SLX4IP: variants seen among roughly 807,000 people sequenced by gnomAD.
The protein encoded by SLX4IP is protein SLX4IP.
SLX4IP carries 34 observed loss-of-function variants against 32.9 expected under a neutral mutation model. That is an observed-to-expected ratio of 1.03 (90% confidence interval 0.79 to 1.38). The LOEUF (loss-of-function observed/expected upper bound fraction) is 1.38, where lower values mean the gene tolerates loss of function less well. Among genes scored for constraint, SLX4IP ranks in the 40% most tolerant of loss-of-function variants. The pLI is 0.00. For synonymous variants in SLX4IP, 172 were observed against 171.7 expected (o/e 1.00, Z -0.01); for missense variants, 444 against 479.0 (o/e 0.93, Z 0.68).
chr20:10,575,298 G>A (rs1439516253), intron 4 of SLX4IP, among the ~76,000 whole-genome samples: 1 of 152,172 alleles, frequency 6.6e-6, no homozygotes, highest in Admixed American at 6.5e-5. Context: ...CTGACCCAGT[G>A]AAAGTCATTT....
At chr20:10,445,737 G>T (rs1243841698) in intron 1 of SLX4IP, among the ~76,000 whole-genome samples, 1 of 150,656 alleles carries the variant, frequency 6.6e-6, no homozygotes. Flanking sequence ...CGATTCTCCC[G>T]CCTCGGCCTC....
intron 2 of SLX4IP, among the ~76,000 whole-genome samples, chr20:10,538,975 C>T (rs1207628695): frequency 2.0e-5 from 3 of 152,134 alleles, no homozygotes; most frequent in African/African-American, 7.2e-5. Context: ...GGACTAATGC[C>T]CAAGGCAGAG....
intron 2 of SLX4IP, among the ~76,000 whole-genome samples, chr20:10,510,499 G>A (rs2065797197): frequency 6.6e-6 from 1 of 152,204 alleles, no homozygotes; most frequent in Non-Finnish European, 1.5e-5. Flanking sequence ...GGTGGAGCCT[G>A]TCCAGCTCTA....
At chr20:10,557,837 T>G (rs2066283839) in intron 3 of SLX4IP, among the ~76,000 whole-genome samples, 1 of 152,200 alleles carries the variant, frequency 6.6e-6, no homozygotes, top group Non-Finnish European at 1.5e-5. Flanking sequence ...GGTTTTTGTT[T>G]TTTTAGGAGC....
chr20:10,452,680 A>AAATATATAT (rs1326662021), intron 1 of SLX4IP, among the ~76,000 whole-genome samples: 3 of 109,504 alleles, frequency 2.7e-5, no homozygotes, highest in African/African-American at 1.1e-4. Flanking sequence ...AAAAAAAAAA[A>AAATATATAT]ATATATATAT....
At chr20:10,586,378 G>A (rs1270031490) in intron 4 of SLX4IP, among the ~76,000 whole-genome samples, 4 of 152,142 alleles carry the variant, frequency 2.6e-5, no homozygotes, top group Non-Finnish European at 5.9e-5. Context: ...TTATAGCTAG[G>A]CATTTGCCTT....
intron 6 of SLX4IP, among the ~76,000 whole-genome samples, chr20:10,612,551 A>G (rs1259910042): frequency 1.3e-5 from 2 of 152,082 alleles, no homozygotes; most frequent in African/African-American, 2.4e-5. Context: ...TTGGGTTACT[A>G]TTATTATTAT....
intron 1 of SLX4IP, among the ~76,000 whole-genome samples, chr20:10,445,087 A>G (rs188992235): frequency 3.3e-5 from 5 of 152,284 alleles, no homozygotes; most frequent in Admixed American, 3.3e-4. Context: ...TTGTAAAAGA[A>G]TAGTGAGGGA....
At chr20:10,573,509 A>T (rs988540062) in intron 4 of SLX4IP, among the ~76,000 whole-genome samples, 1 of 152,190 alleles carries the variant, frequency 6.6e-6, no homozygotes, top group Non-Finnish European at 1.5e-5. Context: ...CCTATTGTGC[A>T]CACCCATGCA....
chr20:10,460,136 T>C (rs1490073991), intron 2 of SLX4IP, among the ~76,000 whole-genome samples: 1 of 152,234 alleles, frequency 6.6e-6, no homozygotes, highest in African/African-American at 2.4e-5. Flanking sequence ...ACTATTTGTG[T>C]GTCTAAAAAT....
At chr20:10,609,423 C>G (rs1254492272) in intron 6 of SLX4IP, among the ~76,000 whole-genome samples, 1 of 152,194 alleles carries the variant, frequency 6.6e-6, no homozygotes, top group African/African-American at 2.4e-5. Context: ...AAAGAGGAGG[C>G]CTTAGTATCT....
At chr20:10,442,910 TG>T in intron 1 of SLX4IP, among the ~76,000 whole-genome samples, 1 of 152,350 alleles carries the variant, frequency 6.6e-6, no homozygotes, top group South Asian at 2.1e-4. Flanking sequence ...TCCATTTAAA[TG>T]AATGTTAAAA....
intron 6 of SLX4IP, chr20:10,613,424 A>T: frequency 6.3e-7 from 1 of 1,583,916 alleles, no homozygotes; most frequent in Admixed American, 1.7e-5. Context: ...ACCTTTGAAG[A>T]GAAAAATTCC....
chr20:10,512,778 CTATATATA>C (rs57942782), intron 2 of SLX4IP, among the ~76,000 whole-genome samples: 97 of 25,604 alleles, frequency 3.8e-3, no homozygotes, highest in Non-Finnish European at 4.7e-3. Flanking sequence ...CACACACACT[CTATATATA>C]TATATATATA....
intron 2 of SLX4IP, among the ~76,000 whole-genome samples, chr20:10,552,086 G>C (rs140854071): frequency 3.5e-4 from 54 of 152,332 alleles, no homozygotes; most frequent in African/African-American, 1.2e-3. Flanking sequence ...AGGAGTTGGG[G>C]GTGACACCCC....
chr20:10,458,622 C>T (rs2065308755), intron 2 of SLX4IP, among the ~76,000 whole-genome samples: 1 of 152,014 alleles, frequency 6.6e-6, no homozygotes, highest in Non-Finnish European at 1.5e-5. Flanking sequence ...ATTTGGTTTT[C>T]TGTTCTTGCA....
intron 2 of SLX4IP, among the ~76,000 whole-genome samples, chr20:10,532,764 A>G (rs957596948): frequency 2.8e-4 from 40 of 144,218 alleles, no homozygotes; most frequent in Non-Finnish European, 4.0e-4. Context: ...ATGGACTTTT[A>G]TAAGCCACAA....
chr20:10,569,248 C>T (rs1034605403), intron 4 of SLX4IP, among the ~76,000 whole-genome samples: 12 of 150,434 alleles, frequency 8.0e-5, no homozygotes, highest in South Asian at 4.2e-4. Context: ...TGCAATGGCA[C>T]GATCTCAGCT....
rs142259625 is a variant in SLX4IP at position 10,556,524 on chromosome 20, G to A, written c.117+204G>A. Among the ~76,000 whole-genome samples the A allele has an allele frequency of 5.1e-3, 776 of 152,098 alleles. 3 individuals are homozygous for A. Among genetic ancestry groups the A allele is most frequent in the African/African-American group, 0.018 (726 of 41,474 alleles). The stretch of plus-strand genomic sequence containing the variant: ...ACTGACACATTCATAAACTTCATAT[G>A]ATACTGTATTATTTAAACCAGACAT... On this transcript the variant is annotated intron_variant, in intron 3 of 7. Transcript: ENST00000334534.
Sources: allele counts gnomAD v4.1 joint callset (sites outside exome capture counted in the v4.1 genomes callset), GRCh38; gene constraint gnomAD v4.1.1; transcripts MANE v1.5; gene names NCBI Gene and HGNC (gene_info 2026-07-23, HGNC 2026-07-21).